The following COX6C variants were observed in gnomAD, a reference collection of about 807,000 sequenced individuals.
The protein encoded by COX6C is cytochrome c oxidase subunit 6C.
A neutral mutation model predicts 6.9 loss-of-function variants in COX6C; 3 were observed. That is an observed-to-expected ratio of 0.43 (90% confidence interval 0.20 to 1.12). The LOEUF (loss-of-function observed/expected upper bound fraction) is 1.12. Among genes scored for constraint, COX6C ranks in the 50% most tolerant of loss-of-function variants. The probability of loss-of-function intolerance (pLI) is 0.27; values close to 1 mark genes in which losing one functional copy is unlikely to be tolerated. For missense variants in COX6C, 101 were observed against 97.3 expected, an observed-to-expected ratio of 1.04 and a Z score of -0.16; for synonymous variants, 32 against 32.0, an observed-to-expected ratio of 1.00 and a Z score of 0.00.
At position 99,887,501 on chromosome 8, in the gene COX6C, A is replaced by C. The variant is rs746504705; in HGVS notation, c.*4T>G. The C allele has an allele frequency of 6.4e-7, 1 of 1,567,798 alleles. No individual in the cohort carries two copies. The highest frequency in any genetic ancestry group is 2.0e-5 in the Admixed American group (1 of 49,140). On this transcript the variant is annotated 3_prime_UTR_variant, in exon 3 of 4. Transcript: ENST00000520468. ...AATAACCATATTACCTTTATATTCC[A>C]AGATTACTTTACACTCTGAAAGATA...
At chr8:99,882,976 C>T (rs755194392) in intron 3 of COX6C, among the ~76,000 whole-genome samples, 7 of 151,932 alleles carry the variant, frequency 4.6e-5, no homozygotes, top group Non-Finnish European at 8.8e-5. Flanking sequence ...TTTGTAGAGA[C>T]GGGGTTTCGC....
At chr8:99,892,542 A>G (rs1000883175) in intron 1 of COX6C, among the ~76,000 whole-genome samples, 1 of 152,194 alleles carries the variant, frequency 6.6e-6, no homozygotes, top group Middle Eastern at 3.4e-3. Context: ...TAAAATAATA[A>G]AAGAAAAACT....
At chr8:99,888,297 G>A (rs1057397564) in intron 2 of COX6C, among the ~76,000 whole-genome samples, 1 of 152,096 alleles carries the variant, frequency 6.6e-6, no homozygotes, top group Non-Finnish European at 1.5e-5. Flanking sequence ...CAGAGGTCGG[G>A]CGTGGTGGCT....
intron 2 of COX6C, among the ~76,000 whole-genome samples, chr8:99,891,032 G>A (rs2131011711): frequency 6.6e-6 from 1 of 152,358 alleles, no homozygotes; most frequent in East Asian, 1.9e-4. Flanking sequence ...CAGGGCTCCT[G>A]AACCAATTCC....
Position 99,887,483 on chromosome 8 carries a change from AT to A in COX6C, c.*15+6del. The A allele has an allele frequency of 6.6e-7, 1 of 1,513,424 alleles. No homozygotes were observed. Among genetic ancestry groups the A allele is most frequent in the South Asian group, 1.2e-5 (1 of 80,958 alleles). 93.7% of individuals were successfully genotyped at this position (1,513,424 alleles called of 1,614,324 possible). ...TTTTTTTAAGTAACTTCAAATAACC[AT>A]ATTACCTTTATATTCCAAGATTACT... On this transcript the variant is annotated splice_donor_region_variant and intron_variant, in intron 3 of 3. Coordinates refer to ENST00000520468, the MANE Select transcript of COX6C (RefSeq NM_004374.4).
intron 1 of COX6C, among the ~76,000 whole-genome samples, 190 bp from the exon 2 acceptor site, chr8:99,892,242 C>G (rs1359758996): frequency 6.6e-6 from 1 of 152,188 alleles, no homozygotes; most frequent in Non-Finnish European, 1.5e-5. Context: ...TCTTAAACTC[C>G]TGCCCTCAAG....
At position 99,877,986 on chromosome 8, in the gene COX6C, A is replaced by G. The variant is rs959821821; in HGVS notation, c.*295T>C. On this transcript the variant is annotated 3_prime_UTR_variant, in exon 4 of 4. Transcript: ENST00000520468. ...AGCCCAAGACCAAGTAACTGCAATG[A>G]AACGGACAAACTATCACAGTTAAAG... is the stretch of plus-strand genomic sequence containing the variant. 6.6e-6 allele frequency: 1 copy of G among 152,212 alleles called. No homozygotes were observed. Among genetic ancestry groups the G allele is most frequent in the African/African-American group, 2.4e-5 (1 of 41,460 alleles). 9.4% of individuals were successfully genotyped at this position (152,212 alleles called of 1,614,324 possible). A position where few individuals can be genotyped will look rare whatever the true frequency, so the allele number is the denominator to read the frequency against.
At position 99,890,720 on chromosome 8, in the gene COX6C, G is replaced by A. The variant is rs1818020512; in HGVS notation, c.114+1188C>T. ...TTTCATGGGGTATTATGACAAGCAT[G>A]ATAAACATATACATATTATCAAAAA... is the stretch of plus-strand genomic sequence containing the variant. On this transcript the variant is annotated intron_variant, in intron 2 of 3. Coordinates refer to ENST00000520468, the MANE Select transcript of COX6C (RefSeq NM_004374.4). Among the ~76,000 whole-genome samples, 3 of 152,102 alleles carry A rather than the reference G, an allele frequency of 2.0e-5. No homozygotes were observed. In the South Asian group the frequency reaches 6.2e-4, roughly 32 times the overall value.
rs34497336 is a variant in COX6C at position 99,883,453 on chromosome 8, G to GTGTATA, written c.*15+4036_*15+4037insTATACA. On this transcript the variant is annotated intron_variant, in intron 3 of 3. Coordinates refer to ENST00000520468, the MANE Select transcript of COX6C (RefSeq NM_004374.4). Reference sequence around the variant, plus strand: ...TATGTATGTGTGTGTGTGTGTGTGTGTATATATATATATATATATTTTTTT... The same window carrying GTGTATA: ...TATGTATGTGTGTGTGTGTGTGTGTGTGTATATATATATATATATATATATTTTTTT... Among the ~76,000 whole-genome samples the GTGTATA allele has an allele frequency of 3.0e-3, 410 of 135,158 alleles. 8 individuals are homozygous for GTGTATA. Among genetic ancestry groups the GTGTATA allele is most frequent in the African/African-American group, 0.01 (368 of 35,580 alleles). 88.7% of individuals were successfully genotyped at this position (135,158 alleles called of 152,430 possible). A position where few individuals can be genotyped will look rare whatever the true frequency, so the allele number is the denominator to read the frequency against.
rs1341861184 is a variant in COX6C, at chr8:99,891,901, T to G, written c.114+7A>C. On this transcript the variant is annotated splice_region_variant and intron_variant, in intron 2 of 3. Coordinates refer to ENST00000520468, the MANE Select transcript of COX6C (RefSeq NM_004374.4). ...GACCTTCGGCACAAAGTAAAAAACA[T>G]ACATACCTTATACAAAGCTGCAACC... 1 of 1,612,330 alleles carries G rather than the reference T, an allele frequency of 6.2e-7. No individual in the cohort carries two copies. Among genetic ancestry groups the G allele is most frequent in the Non-Finnish European group, 8.5e-7 (1 of 1,178,604 alleles).
At chr8:99,892,743 A>C (rs1726042007) in intron 1 of COX6C, among the ~76,000 whole-genome samples, 1 of 151,736 alleles carries the variant, frequency 6.6e-6, no homozygotes, top group Admixed American at 6.6e-5. Context: ...GCACACTAGT[A>C]ATGGACGAGC....
Position 99,892,064 on chromosome 8 carries a change from C to T in COX6C, c.-31-12G>A. 6.9e-7 allele frequency: 1 copy of T among 1,442,702 alleles called. No individual in the cohort carries two copies. The highest frequency in any genetic ancestry group is 9.5e-7 in the Non-Finnish European group (1 of 1,047,990). 89.4% of individuals were successfully genotyped at this position (1,442,702 alleles called of 1,614,324 possible). On this transcript the variant is annotated splice_polypyrimidine_tract_variant and intron_variant, in intron 1 of 3. Transcript: ENST00000520468. ...ATACGTATGCTAACCTTAAGAGATT[C>T]AGAAAATATGATTAAGTACAGAGTT...
Position 99,878,038 on chromosome 8 carries a change from A to C in COX6C, c.*243T>G, listed in dbSNP as rs1817777452. ...TGTGCTAGAACAATGAAATTTTAAC[A>C]AAACACGGAAATCAAGTTAGCTTCA... On this transcript the variant is annotated 3_prime_UTR_variant, in exon 4 of 4. Coordinates refer to ENST00000520468, the MANE Select transcript of COX6C (RefSeq NM_004374.4). 1 of 152,246 alleles carries C rather than the reference A, an allele frequency of 6.6e-6. No individual in the cohort carries two copies. The highest frequency in any genetic ancestry group is 2.4e-5 in the African/African-American group (1 of 41,476). 9.4% of individuals were successfully genotyped at this position (152,246 alleles called of 1,614,324 possible).
chr8:99,888,872 C>G (rs1180227972), intron 2 of COX6C, among the ~76,000 whole-genome samples: 1 of 152,218 alleles, frequency 6.6e-6, no homozygotes, highest in Non-Finnish European at 1.5e-5. Context: ...CCAGGAGAAG[C>G]TGCACCTTGT....
chr8:99,887,560 A>T lies in COX6C; in HGVS notation c.173T>A (p.Val58Asp), dbSNP rs764205297. The part of the protein sequence containing the change: ...AYADFYRNYD[V>D]MKDFEEMRKA... ...CCTCATCTCCTCAAAATCTTTCATG[A>T]CATCGTAGTTTCTGTAGAAATCTGC... Residue 58 changes from valine to aspartate, a missense_variant, in exon 3 of 4, where the codon GTC (valine) becomes GAC (aspartate). Val to Asp is a radical substitution (Grantham distance 152). Transcript: ENST00000520468. 6.2e-7 allele frequency: 1 copy of T among 1,611,476 alleles called. No homozygotes were observed. The highest frequency in any genetic ancestry group is 8.5e-7 in the Non-Finnish European group (1 of 1,179,208).
At chr8:99,881,108 C>A (rs2131001919) in intron 3 of COX6C, among the ~76,000 whole-genome samples, 1 of 152,172 alleles carries the variant, frequency 6.6e-6, no homozygotes, top group African/African-American at 2.4e-5. Flanking sequence ...GCCTGTTATC[C>A]CAGGACTTTG....
intron 3 of COX6C, among the ~76,000 whole-genome samples, chr8:99,883,977 T>C (rs1215261684): frequency 6.6e-6 from 1 of 152,118 alleles, no homozygotes; most frequent in East Asian, 1.9e-4. Context: ...TGATCAAAAC[T>C]ATCAACAGAA....
At chr8:99,879,848 T>C (rs1217299989) in intron 3 of COX6C, among the ~76,000 whole-genome samples, 1 of 152,098 alleles carries the variant, frequency 6.6e-6, no homozygotes, top group Non-Finnish European at 1.5e-5. Context: ...ATAGTTTGGA[T>C]AGGAGGTTGG....
chr8:99,885,088 T>C (rs1174678085), intron 3 of COX6C, among the ~76,000 whole-genome samples: 2 of 152,228 alleles, frequency 1.3e-5, no homozygotes, highest in Non-Finnish European at 2.9e-5. Context: ...TCACACTTAC[T>C]GATTTTAAAG....
Sources: allele counts gnomAD v4.1 joint callset (sites outside exome capture counted in the v4.1 genomes callset), GRCh38; gene constraint gnomAD v4.1.1; transcripts MANE v1.5; gene names NCBI Gene and HGNC (gene_info 2026-07-23, HGNC 2026-07-21).